SUMF1: variants seen among roughly 807,000 people sequenced by gnomAD.
SUMF1 encodes the protein formylglycine-generating enzyme.
SUMF1 carries 48 observed loss-of-function variants against 47.6 expected under a neutral mutation model. That is an observed-to-expected ratio of 1.01 (90% CI 0.80 to 1.28). The LOEUF (loss-of-function observed/expected upper bound fraction) is 1.28. Among genes scored for constraint, SUMF1 ranks in the 50% most tolerant of loss-of-function variants. The pLI, the probability that SUMF1 is intolerant of heterozygous loss-of-function variation, is 0.00. For synonymous variants in SUMF1, 230 were observed against 192.1 expected, an observed-to-expected ratio of 1.20 and a Z score of -1.63; for missense variants, 571 against 485.4, an observed-to-expected ratio of 1.18 and a Z score of -1.66.
chr3:4,316,585 C>A, intron 8 of SUMF1: 1 of 1,551,760 alleles, frequency 6.4e-7, no homozygotes, highest in Non-Finnish European at 8.7e-7. Flanking sequence ...CATGAGCTGA[C>A]TGAAAATCAA....
At chr3:4,295,301 T>C (rs1365538582) in intron 8 of SUMF1, among the ~76,000 whole-genome samples, 1 of 152,060 alleles carries the variant, frequency 6.6e-6, no homozygotes, top group Non-Finnish European at 1.5e-5. Flanking sequence ...CAGTCTCAGA[T>C]GATATTTGGT....
At chr3:4,180,949 T>C (rs572959540) in intron 8 of SUMF1, among the ~76,000 whole-genome samples, 1 of 152,282 alleles carries the variant, frequency 6.6e-6, no homozygotes, top group South Asian at 2.1e-4. Context: ...AGGAAAAACA[T>C]GCTTACAATT....
intron 8 of SUMF1, among the ~76,000 whole-genome samples, chr3:4,245,706 CT>C (rs891213180): frequency 1.3e-5 from 2 of 152,164 alleles, no homozygotes; most frequent in Admixed American, 6.5e-5. Context: ...CAGGGACCCA[CT>C]TGAGTAGGTA....
rs146160664 is a variant in SUMF1, at chr3:4,344,152, G to A, written c.1014+32178C>T. ...ATAATAAGCATGAGAATCCTTCACC[G>A]GCAACCAAGGTATCCAGGTTCTCTC... On this transcript the variant is annotated intron_variant and NMD_transcript_variant, in intron 8 of 12. Coordinates refer to the SUMF1 transcript ENST00000448413. Among the ~76,000 whole-genome samples, 15 of 152,268 alleles carry A rather than the reference G, an allele frequency of 9.9e-5. No individual in the cohort carries two copies. The East Asian group carries it at 1.7e-3, about 18-fold the overall frequency.
chr3:4,445,939 TAA>T (rs1379068334), intron 3 of SUMF1, among the ~76,000 whole-genome samples: 1 of 152,194 alleles, frequency 6.6e-6, no homozygotes, highest in African/African-American at 2.4e-5. Context: ...ATAATTATCT[TAA>T]GATGAAATAT....
At position 4,041,823 on chromosome 3, in the gene SUMF1, G is replaced by A. The variant is rs376417166; in HGVS notation, c.1191+26746C>T. 1.9e-4 allele frequency among the ~76,000 whole-genome samples: 29 copies of A among 152,294 alleles called. No individual in the cohort carries two copies. The East Asian group carries it at 2.5e-3, about 13-fold the overall frequency. ...TTCACAGAGAGAAACAGAAGTGGCTGGTTATGAAAACCGGCAGCACAGCTT... is the reference window on the plus strand; with the variant it reads ...TTCACAGAGAGAAACAGAAGTGGCTAGTTATGAAAACCGGCAGCACAGCTT... On this transcript the variant is annotated intron_variant and NMD_transcript_variant, in intron 9 of 12. Transcript: ENST00000448413.
chr3:4,072,042 G>GCA (rs1359672453), intron 8 of SUMF1, among the ~76,000 whole-genome samples: 1 of 152,140 alleles, frequency 6.6e-6, no homozygotes, highest in Non-Finnish European at 1.5e-5. Context: ...ATACAAGAGA[G>GCA]CACTGCTTGG....
chr3:4,175,369 GC>G (rs1408964800), intron 8 of SUMF1, among the ~76,000 whole-genome samples: 2 of 152,094 alleles, frequency 1.3e-5, no homozygotes, highest in South Asian at 2.1e-4. Flanking sequence ...GCATTCTGCT[GC>G]CTCTGCTGGT....
intron 8 of SUMF1, among the ~76,000 whole-genome samples, chr3:4,252,780 AG>A (rs1313220610): frequency 6.6e-6 from 1 of 152,068 alleles, no homozygotes; most frequent in Non-Finnish European, 1.5e-5. Flanking sequence ...TTTACCTCCA[AG>A]AAAAAAAAAA....
Position 4,396,832 on chromosome 3 carries a change from C to T in SUMF1, c.954+14033G>A, listed in dbSNP as rs150655309. On this transcript the variant is annotated intron_variant, in intron 7 of 8. Coordinates refer to ENST00000272902, the MANE Select transcript of SUMF1 (RefSeq NM_182760.4). ...AGGCCCCAGGAGAATGATTAATTCTCTGACCTATATAACAGTAGATACATA... is the reference window on the plus strand; with the variant it reads ...AGGCCCCAGGAGAATGATTAATTCTTTGACCTATATAACAGTAGATACATA... Among the ~76,000 whole-genome samples, 19 of 152,300 alleles carry T rather than the reference C, an allele frequency of 1.2e-4. 1 individual carries two copies. In the East Asian group the frequency reaches 3.3e-3, roughly 26 times the overall value.
At chr3:4,265,136 C>CAAAAAAA (rs71043507) in intron 8 of SUMF1, among the ~76,000 whole-genome samples, 7 of 73,404 alleles carry the variant, frequency 9.5e-5, no homozygotes, top group Admixed American at 3.5e-4. Context: ...GACTCCATCT[C>CAAAAAAA]AAAAAAAAAA....
intron 8 of SUMF1, among the ~76,000 whole-genome samples, chr3:4,237,638 A>G (rs772007904): frequency 2.6e-5 from 4 of 152,226 alleles, no homozygotes; most frequent in East Asian, 1.9e-4. Context: ...AATGCAGTAC[A>G]ACTTATCAAT....
At chr3:4,178,522 G>C (rs1224441445) in intron 8 of SUMF1, among the ~76,000 whole-genome samples, 1 of 152,104 alleles carries the variant, frequency 6.6e-6, no homozygotes, top group Non-Finnish European at 1.5e-5. Flanking sequence ...AATTAACTAG[G>C]CATGGATGGA....
chr3:4,119,696 C>CCA (rs1285358650), intron 8 of SUMF1, among the ~76,000 whole-genome samples: 1 of 150,428 alleles, frequency 6.6e-6, no homozygotes, highest in Non-Finnish European at 1.5e-5. Flanking sequence ...TAGCAAGAGG[C>CCA]CACACACACA....
intron 8 of SUMF1, among the ~76,000 whole-genome samples, chr3:4,322,544 A>C (rs569066905): frequency 1.4e-4 from 22 of 152,094 alleles, no homozygotes; most frequent in African/African-American, 5.3e-4. Flanking sequence ...CCTTCAGTCC[A>C]AGCTACTTAG....
At chr3:4,086,298 C>T (rs898610538) in intron 8 of SUMF1, among the ~76,000 whole-genome samples, 4 of 151,856 alleles carry the variant, frequency 2.6e-5, no homozygotes, top group African/African-American at 7.3e-5. Flanking sequence ...CCCCATCCCA[C>T]ATTTATTATT....
chr3:4,308,205 C>T (rs1032467456), intron 8 of SUMF1, among the ~76,000 whole-genome samples: 21 of 152,142 alleles, frequency 1.4e-4, no homozygotes, highest in Admixed American at 1.2e-3. Flanking sequence ...GTATACAGTC[C>T]GATGGCTTCC....
chr3:4,316,708 G>A (rs548071960), intron 8 of SUMF1: 24 of 1,550,828 alleles, frequency 1.5e-5, no homozygotes, highest in South Asian at 5.9e-5. Context: ...GACAACCGGC[G>A]ACGATCAGCT....
At chr3:4,153,624 T>G (rs1694388718) in intron 8 of SUMF1, among the ~76,000 whole-genome samples, 1 of 151,198 alleles carries the variant, frequency 6.6e-6, no homozygotes, top group Non-Finnish European at 1.5e-5. Flanking sequence ...ATATTAACTT[T>G]CTTATTTACC....
Sources: gnomAD v4.1 joint callset for allele counts (sites outside exome capture counted in the v4.1 genomes callset) on GRCh38, gnomAD v4.1.1 for gene constraint, MANE v1.5 for transcripts, NCBI Gene and HGNC (gene_info 2026-07-23, HGNC 2026-07-21) for gene names.